SLC60A1: variants seen among roughly 807,000 people sequenced by gnomAD.
SLC60A1 encodes major facilitator superfamily domain containing 4.
chr1:205,585,028 C>A, the SLC60A1 span: 6 of 1,534,384 alleles, frequency 3.9e-6, no homozygotes, highest in Non-Finnish European at 4.5e-6. This position sits in a 1 kb window ranked among gnomAD's most constrained non-coding sequence, Gnocchi z 4.2. Flanking sequence ...TACTGGGGGA[C>A]CCTTCACCCC....
At chr1:205,569,221 C>T in the SLC60A1 span, 7 of 1,562,570 alleles carry the variant, frequency 4.5e-6, no homozygotes, top group Middle Eastern at 1.7e-4. Flanking sequence ...AGCTCGCTGC[C>T]CCAGATCTCC....
At chr1:205,591,845 T>G in the SLC60A1 span, among the ~76,000 whole-genome samples, 3 of 152,160 alleles carry the variant, frequency 2.0e-5, no homozygotes, top group African/African-American at 7.2e-5. Flanking sequence ...TGGGGACAGG[T>G]AGTCCTCAGT....
At chr1:205,570,602 C>T in the SLC60A1 span, among the ~76,000 whole-genome samples, 1 of 152,208 alleles carries the variant, frequency 6.6e-6, no homozygotes, top group African/African-American at 2.4e-5. Context: ...TCCCCATTTT[C>T]CCCAAATCTT....
chr1:205,575,707 C>A, the SLC60A1 span, among the ~76,000 whole-genome samples: 3 of 152,314 alleles, frequency 2.0e-5, no homozygotes, highest in South Asian at 6.2e-4. Context: ...GGGGAGAACT[C>A]AGGCTCCTTC....
At chr1:205,591,128 G>T in the SLC60A1 span, among the ~76,000 whole-genome samples, 1 of 152,134 alleles carries the variant, frequency 6.6e-6, no homozygotes, top group Non-Finnish European at 1.5e-5. Context: ...CGTGTTTAAA[G>T]AACTTAGAAA....
At chr1:205,599,153 A>G in the SLC60A1 span, 1 of 1,614,044 alleles carries the variant, frequency 6.2e-7, no homozygotes, top group Admixed American at 1.7e-5. Flanking sequence ...CAGGGCAGCT[A>G]TAGTTTCCTG....
the SLC60A1 span, among the ~76,000 whole-genome samples, chr1:205,596,756 C>T: frequency 2.6e-5 from 4 of 151,962 alleles, no homozygotes; most frequent in African/African-American, 9.7e-5. Context: ...CCTTGGCCTT[C>T]ATCCTGAAGG....
the SLC60A1 span, chr1:205,579,729 A>C: frequency 1.2e-6 from 2 of 1,613,412 alleles, no homozygotes; most frequent in Non-Finnish European, 1.7e-6. Context: ...CCATCCCCTG[A>C]CATCACCCTT....
At chr1:205,571,963 C>T in the SLC60A1 span, among the ~76,000 whole-genome samples, 9 of 152,088 alleles carry the variant, frequency 5.9e-5, no homozygotes, top group South Asian at 2.1e-4. Flanking sequence ...GTGTCTTTCT[C>T]GTGGGTTCCT....
At chr1:205,579,905 C>T in the SLC60A1 span, 1 of 1,614,162 alleles carries the variant, frequency 6.2e-7, no homozygotes, top group Non-Finnish European at 8.5e-7. Flanking sequence ...GGCCAACATG[C>T]AGCTGGTAAG....
the SLC60A1 span, chr1:205,585,996 G>C: frequency 6.5e-7 from 1 of 1,535,032 alleles, no homozygotes; most frequent in Non-Finnish European, 8.7e-7. The surrounding 1 kb of genome is among the most constrained non-coding windows in gnomAD (Gnocchi z 4.2). Context: ...GTCTGGCTGG[G>C]CTGCAGGTGT....
the SLC60A1 span, among the ~76,000 whole-genome samples, chr1:205,569,688 G>T: frequency 1.3e-5 from 2 of 152,070 alleles, no homozygotes; most frequent in Non-Finnish European, 2.9e-5. Context: ...CTCCTCTGGG[G>T]TTTGTCAGTA....
At chr1:205,569,652 G>A in the SLC60A1 span, among the ~76,000 whole-genome samples, 2 of 152,158 alleles carry the variant, frequency 1.3e-5, no homozygotes, top group African/African-American at 4.8e-5. Context: ...GTTTGCAGAG[G>A]TGGGGAGGGT....
chr1:205,575,638 C>A, the SLC60A1 span, among the ~76,000 whole-genome samples: 1 of 152,146 alleles, frequency 6.6e-6, no homozygotes, highest in Non-Finnish European at 1.5e-5. Context: ...AGCAGCAGCT[C>A]AAGGTCACCC....
the SLC60A1 span, among the ~76,000 whole-genome samples, chr1:205,570,091 C>T: frequency 1.6e-4 from 25 of 152,182 alleles, no homozygotes; most frequent in African/African-American, 5.8e-4. Context: ...GCCTCTGCCC[C>T]ACGACAGGGC....
At chr1:205,601,580 T>C in the SLC60A1 span, 2 of 152,094 alleles carry the variant, frequency 1.3e-5, no homozygotes, top group African/African-American at 4.8e-5. Flanking sequence ...TTTACATCTT[T>C]TTTTGTTTTT....
chr1:205,581,058 A>G, the SLC60A1 span: 48 of 1,193,132 alleles, frequency 4.0e-5, no homozygotes, highest in Middle Eastern at 2.9e-4. The surrounding 1 kb of genome is among the most constrained non-coding windows in gnomAD (Gnocchi z 4.2). Context: ...AGGCAGGAGG[A>G]TGGGAGGACA....
chr1:205,570,771 T>TA, the SLC60A1 span, among the ~76,000 whole-genome samples: 1 of 152,254 alleles, frequency 6.6e-6, no homozygotes, highest in African/African-American at 2.4e-5. Context: ...GAAACTAAGA[T>TA]AAAGTATCTG....
the SLC60A1 span, chr1:205,597,651 C>A: frequency 2.3e-6 from 2 of 860,442 alleles, no homozygotes; most frequent in Non-Finnish European, 3.8e-6. Context: ...CCACTTCTGA[C>A]TCCTAAAGTA....
Sources: gnomAD v4.1 joint callset for allele counts (sites outside exome capture counted in the v4.1 genomes callset) on GRCh38, gnomAD v4.1.1 for gene constraint, Gnocchi (gnomAD v3.1) non-coding constraint, MANE v1.5 for transcripts, NCBI Gene and HGNC (gene_info 2026-07-23, HGNC 2026-07-21) for gene names.